The following TLN2 variants were observed in gnomAD, a reference collection of about 807,000 sequenced individuals.
The protein encoded by TLN2 is talin 2, also known as talin-2.
In TLN2, 118 loss-of-function variants were observed where a neutral mutation model predicts 294.7. That is an observed-to-expected ratio of 0.40 (90% CI 0.34 to 0.47). The LOEUF is 0.47. TLN2 is among the 20% of genes least tolerant of loss of function. The pLI is 0.84. For missense variants in TLN2, 3,083 were observed against 3,282.2 expected, an observed-to-expected ratio of 0.94 and a Z score of 1.48; for synonymous variants, 1,431 against 1,304.5, an observed-to-expected ratio of 1.10 and a Z score of -2.09.
intron 52 of TLN2, 129 bp downstream of exon 52, chr15:62,810,161 C>G: frequency 1.3e-6 from 1 of 755,746 alleles, no homozygotes; most frequent in South Asian, 1.6e-5. Flanking sequence ...GAGGCTGGGA[C>G]TGGATTGAAC....
At chr15:62,781,262 C>A in intron 44 of TLN2, 21 bp downstream of exon 44, 2 of 1,587,998 alleles carry the variant, frequency 1.3e-6, no homozygotes, top group Non-Finnish European at 8.6e-7. Context: ...AGAGAGCTGC[C>A]CTCCCCACTG....
At chr15:62,583,867 T>A (rs1044870467) in intron 1 of TLN2, among the ~76,000 whole-genome samples, 5 of 152,204 alleles carry the variant, frequency 3.3e-5, no homozygotes, top group African/African-American at 1.2e-4. Flanking sequence ...GTCAGTGAAT[T>A]AGTGAACAAT....
At chr15:62,825,820 A>ATATAATATATAT (rs1567687705) in intron 54 of TLN2, among the ~76,000 whole-genome samples, 29 of 35,798 alleles carry the variant, frequency 8.1e-4, no homozygotes, top group South Asian at 3.5e-3. Context: ...ATATTATAAT[A>ATATAATATATAT]TATATTATAA....
intron 1 of TLN2, among the ~76,000 whole-genome samples, chr15:62,588,101 C>G (rs921654260): frequency 6.6e-6 from 1 of 151,970 alleles, no homozygotes; most frequent in Non-Finnish European, 1.5e-5. Context: ...AGGATGGTCT[C>G]GATATCCTGA....
At chr15:62,629,771 C>T (rs931238153) in intron 3 of TLN2, among the ~76,000 whole-genome samples, 1 of 152,100 alleles carries the variant, frequency 6.6e-6, no homozygotes, top group African/African-American at 2.4e-5. Flanking sequence ...TTTTTGAGTA[C>T]ATTTTGTTTT....
intron 1 of TLN2, among the ~76,000 whole-genome samples, chr15:62,552,150 C>T (rs1406814153): frequency 6.6e-6 from 1 of 152,160 alleles, no homozygotes; most frequent in Non-Finnish European, 1.5e-5. Context: ...ACAGATTTCT[C>T]TAGACATTAT....
At chr15:62,705,664 T>A (rs1464870137) in intron 19 of TLN2, among the ~76,000 whole-genome samples, 1 of 152,244 alleles carries the variant, frequency 6.6e-6, no homozygotes, top group Non-Finnish European at 1.5e-5. Flanking sequence ...AAGTTATTTT[T>A]AAAAATCTTT....
At chr15:62,665,577 T>A (rs1452670670) in intron 9 of TLN2, among the ~76,000 whole-genome samples, 1 of 152,116 alleles carries the variant, frequency 6.6e-6, no homozygotes, top group Non-Finnish European at 1.5e-5. Flanking sequence ...CATCCTTGAC[T>A]CTCACAGCCC....
chr15:62,772,345 C>T (rs148582667), intron 42 of TLN2, among the ~76,000 whole-genome samples: 246 of 152,236 alleles, frequency 1.6e-3, no homozygotes, highest in Non-Finnish European at 2.6e-3. Flanking sequence ...AAATATTAAG[C>T]GCCAGCCACT....
chr15:62,707,824 C>A (rs1326065215), intron 20 of TLN2, among the ~76,000 whole-genome samples: 2 of 152,004 alleles, frequency 1.3e-5, no homozygotes, highest in Non-Finnish European at 2.9e-5. Flanking sequence ...ACTAGAGTTA[C>A]AACTCAAGTC....
At chr15:62,830,214 G>C (rs1278687094) in intron 54 of TLN2, 1 of 152,174 alleles carries the variant, frequency 6.6e-6, no homozygotes, top group African/African-American at 2.4e-5. Flanking sequence ...GGAGAGATCT[G>C]ACTGACCCTG....
intron 1 of TLN2, among the ~76,000 whole-genome samples, chr15:62,450,130 C>G (rs2036020695): frequency 6.6e-6 from 1 of 152,180 alleles, no homozygotes; most frequent in African/African-American, 2.4e-5. Context: ...CTCTCAGCTT[C>G]CAGGCCGGCC....
intron 43 of TLN2, 113 bp from the exon 44 acceptor site, chr15:62,781,027 C>A (rs549818194): frequency 1.9e-5 from 14 of 753,636 alleles, no homozygotes; most frequent in Non-Finnish European, 2.9e-5. Context: ...TGACACTGGG[C>A]GAAAGAATCT....
intron 19 of TLN2, among the ~76,000 whole-genome samples, chr15:62,705,214 T>C (rs1290013933): frequency 3.3e-5 from 5 of 152,194 alleles, no homozygotes; most frequent in African/African-American, 1.2e-4. Flanking sequence ...AGGCCAGACT[T>C]GAATGTTTTC....
chr15:62,699,053 G>A (rs2058544772), intron 16 of TLN2, among the ~76,000 whole-genome samples, 186 bp downstream of exon 16: 1 of 152,162 alleles, frequency 6.6e-6, no homozygotes, highest in African/African-American at 2.4e-5. Flanking sequence ...ATAGGGTACT[G>A]CTGGCTGTTG....
intron 54 of TLN2, among the ~76,000 whole-genome samples, chr15:62,826,363 C>T (rs117317945): frequency 0.023 from 3,520 of 152,260 alleles, 153 homozygotes; most frequent in Admixed American, 0.1. Flanking sequence ...CATGAACTCG[C>T]GCGTATTCCT....
At chr15:62,656,622 A>T (rs1022325127) in intron 8 of TLN2, among the ~76,000 whole-genome samples, 3 of 152,166 alleles carry the variant, frequency 2.0e-5, no homozygotes, top group African/African-American at 7.2e-5. Context: ...GCTCAAGGAA[A>T]ACATCATCCA....
chr15:62,785,483 C>T (rs1285777878), intron 45 of TLN2, among the ~76,000 whole-genome samples: 2 of 152,010 alleles, frequency 1.3e-5, no homozygotes, highest in Non-Finnish European at 2.9e-5. Context: ...GCCAACATGG[C>T]GTACCCCCTT....
intron 1 of TLN2, among the ~76,000 whole-genome samples, chr15:62,468,144 T>A (rs2140355789): frequency 6.6e-6 from 1 of 152,218 alleles, no homozygotes; most frequent in African/African-American, 2.4e-5. Flanking sequence ...TAAATTTAAT[T>A]TATTAAATAA....
Sources: gnomAD v4.1 joint callset for allele counts (sites outside exome capture counted in the v4.1 genomes callset) on GRCh38, gnomAD v4.1.1 for gene constraint, MANE v1.5 for transcripts, NCBI Gene and HGNC (gene_info 2026-07-23, HGNC 2026-07-21) for gene names.